Variants in MYO1D observed in about 807,000 individuals in gnomAD.
MYO1D encodes the protein unconventional myosin-Id.
Under a neutral mutation model 122.0 loss-of-function variants are expected in MYO1D, and 83 were observed. That is an observed-to-expected ratio of 0.68 (90% confidence interval 0.57 to 0.82). MYO1D has a LOEUF of 0.82. Among genes scored for constraint, MYO1D ranks in the 40% least tolerant of loss-of-function variants. MYO1D has a pLI of 0.00. For synonymous variants in MYO1D, 464 were observed against 446.9 expected (o/e 1.04, Z -0.48); for missense variants, 1,157 against 1,269.5 (o/e 0.91, Z 1.35).
chr17:32,816,668 T>C (rs572328837), intron 1 of MYO1D, among the ~76,000 whole-genome samples: 4 of 152,352 alleles, frequency 2.6e-5, no homozygotes, highest in African/African-American at 4.8e-5. Context: ...ACTATGTATT[T>C]ACAATTAGTA....
intron 19 of MYO1D, among the ~76,000 whole-genome samples, chr17:32,645,630 C>T (rs2088280022): frequency 1.3e-5 from 2 of 152,028 alleles, no homozygotes; most frequent in South Asian, 2.1e-4. Flanking sequence ...TTAAACTTCT[C>T]TTCTCACTTC....
intron 21 of MYO1D, among the ~76,000 whole-genome samples, chr17:32,552,407 TCCA>T (rs2087024062): frequency 6.7e-6 from 1 of 149,112 alleles, no homozygotes; most frequent in African/African-American, 2.5e-5. Flanking sequence ...TTGTAATCCA[TCCA>T]TCCATCCACC....
chr17:32,553,419 A>G (rs868766955), intron 21 of MYO1D, among the ~76,000 whole-genome samples: 2 of 152,216 alleles, frequency 1.3e-5, no homozygotes, highest in Admixed American at 1.3e-4. Context: ...AGCAGGGGAG[A>G]GTATTGTGGG....
chr17:32,567,062 A>C (rs1445388201), intron 21 of MYO1D, among the ~76,000 whole-genome samples: 4 of 151,930 alleles, frequency 2.6e-5, no homozygotes. Context: ...TGGGATATTA[A>C]CAGGACAAAG....
At position 32,563,210 on chromosome 17, in the gene MYO1D, T is replaced by TC. The variant is rs1318434226; in HGVS notation, c.2864+41876_2864+41877insG. Reference sequence around the variant, plus strand: ...ACAGCTCTTTTTTTCTTCTCTCTTTTTTTTTTTTTTTTTTTTTGAGACAGA... The same window carrying TC: ...ACAGCTCTTTTTTTCTTCTCTCTTTTCTTTTTTTTTTTTTTTTTGAGACAGA... On this transcript the variant is annotated intron_variant, in intron 21 of 21. Transcript: ENST00000318217. 1.7e-3 allele frequency among the ~76,000 whole-genome samples: 229 copies of TC among 135,172 alleles called. 4 individuals carry two copies. The highest frequency in any genetic ancestry group is 6.1e-3 in the African/African-American group (218 of 35,834). The allele number at this position is 135,172 out of a possible 152,430, so 88.7% of individuals were successfully genotyped here. A position where few individuals can be genotyped will look rare whatever the true frequency, so the allele number is the denominator to read the frequency against.
intron 16 of MYO1D, among the ~76,000 whole-genome samples, chr17:32,665,911 C>T (rs1023458406): frequency 5.3e-5 from 8 of 151,828 alleles, no homozygotes; most frequent in African/African-American, 1.9e-4. Context: ...GTGAAGGGGT[C>T]TGGGGTGGGT....
intron 19 of MYO1D, among the ~76,000 whole-genome samples, chr17:32,648,325 T>A (rs2088329053): frequency 6.6e-6 from 1 of 152,210 alleles, no homozygotes; most frequent in South Asian, 2.1e-4. Context: ...AATACATATA[T>A]TTGCTCATCA....
chr17:32,738,440 A>T, intron 13 of MYO1D, 55 bp from the exon 14 acceptor site: 1 of 1,490,186 alleles, frequency 6.7e-7, no homozygotes, highest in Middle Eastern at 1.8e-4. Context: ...GCTGGATAAA[A>T]ACTGATAAGC....
At chr17:32,740,625 G>A (rs149850575) in intron 13 of MYO1D, among the ~76,000 whole-genome samples, 2,774 of 152,060 alleles carry the variant, frequency 0.018, 66 homozygotes, top group African/African-American at 0.061. Flanking sequence ...CTACAGGCAC[G>A]TGCCACCATG....
chr17:32,494,704 C>T lies in MYO1D; in HGVS notation c.*55G>A. The T allele has an allele frequency of 3.3e-6, 5 of 1,521,942 alleles. No individual in the cohort carries two copies. Among genetic ancestry groups the T allele is most frequent in the Non-Finnish European group, 4.4e-6 (5 of 1,135,310 alleles). The allele number at this position is 1,521,942 out of a possible 1,614,324, so 94.3% of individuals were successfully genotyped here. ...CATGGGTTGGGAGGCAGCAGCTGGACTGGGACCCAGGACTCGGAGTGTGGC... is the reference window on the plus strand; with the variant it reads ...CATGGGTTGGGAGGCAGCAGCTGGATTGGGACCCAGGACTCGGAGTGTGGC... On this transcript the variant is annotated 3_prime_UTR_variant, in exon 22 of 22. Transcript: ENST00000318217.
At chr17:32,577,713 C>A (rs7224405) in intron 21 of MYO1D, among the ~76,000 whole-genome samples, 62,413 of 151,120 alleles carry the variant, frequency 0.41, 14,118 homozygotes, top group Middle Eastern at 0.52. Context: ...ACAGACAGAA[C>A]TTTCAAGATT....
intron 19 of MYO1D, among the ~76,000 whole-genome samples, chr17:32,642,177 T>C (rs796913298): frequency 6.6e-6 from 1 of 152,254 alleles, no homozygotes; most frequent in South Asian, 2.1e-4. Context: ...GCACCATTTG[T>C]TGAACAGGGA....
chr17:32,500,358 A>G (rs766341175), intron 21 of MYO1D, among the ~76,000 whole-genome samples: 77 of 152,264 alleles, frequency 5.1e-4, no homozygotes, highest in Non-Finnish European at 7.1e-4. Context: ...CACCCAGTCC[A>G]TGAAGTTCCT....
At chr17:32,683,153 A>G (rs2088947434) in intron 16 of MYO1D, among the ~76,000 whole-genome samples, 1 of 140,246 alleles carries the variant, frequency 7.1e-6, no homozygotes, top group African/African-American at 2.8e-5. Context: ...CATTCTTCTA[A>G]ATTTTTTTCA....
In MYO1D at chr17:32,764,873, C is replaced by G. The variant is rs1256615572; in HGVS notation, c.1035+5G>C. 1 of 1,613,748 alleles carries G rather than the reference C, an allele frequency of 6.2e-7. No homozygotes were observed. The highest frequency in any genetic ancestry group is 1.3e-5 in the African/African-American group (1 of 74,940). On this transcript the variant is annotated splice_donor_5th_base_variant and intron_variant, in intron 8 of 21. Coordinates refer to ENST00000318217, the MANE Select transcript of MYO1D (RefSeq NM_015194.3). ...CAGGTGACATAGGGTCAGTTACACTCTCACCTTGGCAAAGGCGTCTCTGCC... is the reference window on the plus strand; with the variant it reads ...CAGGTGACATAGGGTCAGTTACACTGTCACCTTGGCAAAGGCGTCTCTGCC...
rs1053698134 is a variant in MYO1D, at chr17:32,641,270, C to CT, written c.2596-2436dup. ...TCCCTACAAAGGACATGAACTCATC[C>CT]TTTTTTATGGCTGCATAGTATTCCA... is the stretch of plus-strand genomic sequence containing the variant. On this transcript the variant is annotated intron_variant, in intron 19 of 21. Coordinates refer to ENST00000318217, the MANE Select transcript of MYO1D (RefSeq NM_015194.3). Among the ~76,000 whole-genome samples the CT allele has an allele frequency of 1.8e-4, 27 of 151,450 alleles. 1 individual carries two copies. Among genetic ancestry groups the CT allele is most frequent in the Admixed American group, 5.9e-4 (9 of 15,198 alleles).
At chr17:32,643,716 T>C (rs1181222181) in intron 19 of MYO1D, among the ~76,000 whole-genome samples, 1 of 152,252 alleles carries the variant, frequency 6.6e-6, no homozygotes, top group Non-Finnish European at 1.5e-5. Context: ...GTAGAGGTGC[T>C]TATGGTATTC....
chr17:32,513,155 A>AG (rs1199820241), intron 21 of MYO1D, among the ~76,000 whole-genome samples: 8 of 152,212 alleles, frequency 5.3e-5, no homozygotes, highest in Non-Finnish European at 8.8e-5. Flanking sequence ...GGTATACAGT[A>AG]GGTGCTTAAT....
At chr17:32,634,867 C>T (rs761124462) in intron 20 of MYO1D, among the ~76,000 whole-genome samples, 2 of 152,148 alleles carry the variant, frequency 1.3e-5, no homozygotes, top group Non-Finnish European at 2.9e-5. Context: ...AACCCAATGA[C>T]CCGCCCCAAT....
Sources: allele counts gnomAD v4.1 joint callset (sites outside exome capture counted in the v4.1 genomes callset), GRCh38; gene constraint gnomAD v4.1.1; transcripts MANE v1.5; gene names NCBI Gene and HGNC (gene_info 2026-07-23, HGNC 2026-07-21).